ASXL3: variants seen among roughly 807,000 people sequenced by gnomAD.
ASXL3 encodes ASXL transcriptional regulator 3.
Under a neutral mutation model 170.6 loss-of-function variants are expected in ASXL3, and 34 were observed. The observed-to-expected ratio is 0.20, with a 90% CI of 0.15 to 0.27. The LOEUF (loss-of-function observed/expected upper bound fraction) is 0.27, where lower values mean the gene tolerates loss of function less well. Ranked by LOEUF, ASXL3 falls within the 10% of genes least tolerant of loss-of-function variation. The pLI is 1.00. For missense variants in ASXL3, 2,592 were observed against 2,695.3 expected, an observed-to-expected ratio of 0.96 and a Z score of 0.85; for synonymous variants, 1,002 against 989.1, an observed-to-expected ratio of 1.01 and a Z score of -0.24.
intron 8 of ASXL3, among the ~76,000 whole-genome samples, chr18:33,731,370 TCA>T (rs2067440449): frequency 6.6e-6 from 1 of 152,142 alleles, no homozygotes; most frequent in Non-Finnish European, 1.5e-5. Flanking sequence ...GAAAGCATCT[TCA>T]CACCTTCATA....
At chr18:33,638,220 T>C (rs149806713) in intron 2 of ASXL3, among the ~76,000 whole-genome samples, 3 of 150,772 alleles carry the variant, frequency 2.0e-5, no homozygotes, top group African/African-American at 7.3e-5. Flanking sequence ...ATATATATTA[T>C]CAAATACACA....
chr18:33,695,789 C>T lies in ASXL3; in HGVS notation c.879+12221C>T, dbSNP rs555462255. The stretch of plus-strand genomic sequence containing the variant: ...GGCTACTAAGTGGCAGCTTCATAGC[C>T]TGGAAGGGTGTCTTTGTCCATGTAT... On this transcript the variant is annotated intron_variant, in intron 8 of 11. Transcript: ENST00000269197. Among the ~76,000 whole-genome samples, 3 of 152,228 alleles carry T rather than the reference C, an allele frequency of 2.0e-5. No individual in the cohort carries two copies. In the South Asian group the frequency reaches 6.2e-4, roughly 32 times the overall value.
intron 2 of ASXL3, among the ~76,000 whole-genome samples, chr18:33,621,165 G>A (rs555943619): frequency 6.6e-6 from 1 of 152,230 alleles, no homozygotes; most frequent in Non-Finnish European, 1.5e-5. Flanking sequence ...TTAGACTTTT[G>A]TTTCACAAAT....
intron 8 of ASXL3, among the ~76,000 whole-genome samples, chr18:33,718,491 A>G (rs536080510): frequency 6.6e-6 from 1 of 152,194 alleles, no homozygotes; most frequent in Non-Finnish European, 1.5e-5. Context: ...TTTCATGGTC[A>G]GGAGTCTGGG....
At chr18:33,599,817 C>T (rs917435902) in intron 1 of ASXL3, among the ~76,000 whole-genome samples, 14 of 151,918 alleles carry the variant, frequency 9.2e-5, no homozygotes, top group African/African-American at 3.4e-4. Context: ...CAAAGATATG[C>T]TTATGCCTGG....
chr18:33,642,123 A>G (rs1217150862), intron 2 of ASXL3, among the ~76,000 whole-genome samples: 1 of 151,934 alleles, frequency 6.6e-6, no homozygotes, highest in Non-Finnish European at 1.5e-5. Flanking sequence ...AATATATAGT[A>G]TACATGCCAA....
At chr18:33,592,238 A>G (rs188699947) in intron 1 of ASXL3, among the ~76,000 whole-genome samples, 9 of 152,288 alleles carry the variant, frequency 5.9e-5, no homozygotes, top group Admixed American at 2.0e-4. Context: ...AAGTTTTTTC[A>G]TGTGTGTTTG....
intron 8 of ASXL3, among the ~76,000 whole-genome samples, chr18:33,713,516 A>G (rs966978258): frequency 2.0e-5 from 3 of 151,706 alleles, no homozygotes; most frequent in Non-Finnish European, 4.4e-5. Context: ...CAGCCTCCCA[A>G]AGTGTTGGGA....
At chr18:33,597,061 C>G (rs981111461) in intron 1 of ASXL3, among the ~76,000 whole-genome samples, 1 of 152,104 alleles carries the variant, frequency 6.6e-6, no homozygotes, top group African/African-American at 2.4e-5. Context: ...GCGATCTGCC[C>G]GCCTTGGCCT....
intron 4 of ASXL3, among the ~76,000 whole-genome samples, chr18:33,654,655 C>A (rs2066053884): frequency 6.6e-6 from 1 of 151,066 alleles, no homozygotes. Context: ...GTTTCAGGAA[C>A]CTGATGCAGT....
chr18:33,593,828 G>T (rs2065101235), intron 1 of ASXL3, among the ~76,000 whole-genome samples: 1 of 152,052 alleles, frequency 6.6e-6, no homozygotes, highest in South Asian at 2.1e-4. Context: ...CTATATATGG[G>T]TATGCAGCCA....
At chr18:33,679,196 A>C (rs551514754) in intron 7 of ASXL3, among the ~76,000 whole-genome samples, 26 of 152,072 alleles carry the variant, frequency 1.7e-4, no homozygotes, top group Non-Finnish European at 3.7e-4. Flanking sequence ...GAATTAAGCA[A>C]ATTTTTTTCT....
intron 7 of ASXL3, among the ~76,000 whole-genome samples, chr18:33,678,305 G>A (rs1403945820): frequency 6.6e-6 from 1 of 152,148 alleles, no homozygotes; most frequent in Non-Finnish European, 1.5e-5. Context: ...CAGTGTTTGA[G>A]CAGTGCTTCT....
intron 8 of ASXL3, among the ~76,000 whole-genome samples, chr18:33,703,481 A>G (rs1362983422): frequency 1.3e-5 from 2 of 152,140 alleles, no homozygotes; most frequent in African/African-American, 4.8e-5. Flanking sequence ...CCACCACCCT[A>G]CAGTGGCCCA....
chr18:33,643,268 C>T (rs2145196049), intron 2 of ASXL3, among the ~76,000 whole-genome samples: 1 of 151,804 alleles, frequency 6.6e-6, no homozygotes, highest in East Asian at 1.9e-4. Context: ...GGAATTTATT[C>T]ATGGAAAGAC....
intron 1 of ASXL3, among the ~76,000 whole-genome samples, chr18:33,585,642 C>A (rs1235572420): frequency 6.6e-6 from 1 of 152,088 alleles, no homozygotes; most frequent in African/African-American, 2.4e-5. Context: ...AAATTTATGC[C>A]CTGGGGTTAG....
chr18:33,666,215 A>G (rs909198004), intron 5 of ASXL3, among the ~76,000 whole-genome samples: 2 of 152,202 alleles, frequency 1.3e-5, no homozygotes, highest in African/African-American at 4.8e-5. Flanking sequence ...AAGTTGTTCT[A>G]CAAGATAGTC....
chr18:33,611,300 A>G (rs2065333401), intron 2 of ASXL3, among the ~76,000 whole-genome samples: 1 of 152,026 alleles, frequency 6.6e-6, no homozygotes, highest in African/African-American at 2.4e-5. Flanking sequence ...TGTCAGAAGG[A>G]CATGTGGTTT....
At chr18:33,583,547 G>C (rs113280613) in intron 1 of ASXL3, among the ~76,000 whole-genome samples, 4,710 of 152,160 alleles carry the variant, frequency 0.031, 255 homozygotes, top group African/African-American at 0.11. Context: ...TGCCTATTTA[G>C]AAAGAAAATG....
Sources: allele counts gnomAD v4.1 joint callset (sites outside exome capture counted in the v4.1 genomes callset), GRCh38; gene constraint gnomAD v4.1.1; transcripts MANE v1.5; gene names NCBI Gene and HGNC (gene_info 2026-07-23, HGNC 2026-07-21).